The following SCRG1 variants were observed in gnomAD, a reference collection of about 807,000 sequenced individuals.
SCRG1 encodes stimulator of chondrogenesis 1, also known as scrapie-responsive protein 1.
In SCRG1, 3 loss-of-function variants were observed where a neutral mutation model predicts 7.7. That is an observed-to-expected ratio of 0.39 (90% CI 0.18 to 1.01). The LOEUF (loss-of-function observed/expected upper bound fraction) is 1.01. Among genes scored for constraint, SCRG1 ranks in the 50% least tolerant of loss-of-function variants. The pLI is 0.36. For synonymous variants in SCRG1, 46 were observed against 41.2 expected, an observed-to-expected ratio of 1.12 and a Z score of -0.44; for missense variants, 110 against 117.2, an observed-to-expected ratio of 0.94 and a Z score of 0.28.
the SCRG1 span, among the ~76,000 whole-genome samples, chr4:173,487,514 G>T: frequency 6.6e-6 from 1 of 152,162 alleles, no homozygotes; most frequent in African/African-American, 2.4e-5. Flanking sequence ...GAACCATGTT[G>T]CTCTTGATGG....
chr4:173,484,448 A>ATT, the SCRG1 span, among the ~76,000 whole-genome samples: 455 of 17,428 alleles, frequency 0.026, 41 homozygotes, highest in African/African-American at 0.055. Flanking sequence ...TATGATATAT[A>ATT]ATATATATTA....
At chr4:173,478,052 T>G in the SCRG1 span, among the ~76,000 whole-genome samples, 1 of 152,126 alleles carries the variant, frequency 6.6e-6, no homozygotes, top group Non-Finnish European at 1.5e-5. Context: ...TCCAACTGGA[T>G]TTTGGAGATA....
Position 173,385,672 on chromosome 4 carries a change from A to C in SCRG1, c.*2669T>G, listed in dbSNP as rs966418376. 16 of 152,232 alleles carry C rather than the reference A, an allele frequency of 1.1e-4. No individual in the cohort carries two copies. Among genetic ancestry groups the C allele is most frequent in the African/African-American group, 3.9e-4 (16 of 41,558 alleles). The allele number at this position is 152,232 out of a possible 1,614,324, so 9.4% of individuals were successfully genotyped here. A position where few individuals can be genotyped will look rare whatever the true frequency, so the allele number is the denominator to read the frequency against. On this transcript the variant is annotated 3_prime_UTR_variant, in exon 3 of 3. Transcript: ENST00000296506. The stretch of plus-strand genomic sequence containing the variant: ...AAGACATTATGATGAATAATTTATA[A>C]AATTTTATTTATTAAATATTTAGCT...
At chr4:173,479,443 G>GTT in the SCRG1 span, among the ~76,000 whole-genome samples, 84 of 135,242 alleles carry the variant, frequency 6.2e-4, 1 homozygote, top group African/African-American at 1.3e-3. Context: ...TTGTTTTTTT[G>GTT]TTTTTTTTTT....
At chr4:173,483,829 A>ATG in the SCRG1 span, among the ~76,000 whole-genome samples, 2 of 23,278 alleles carry the variant, frequency 8.6e-5, no homozygotes, top group African/African-American at 2.3e-4. Context: ...TATAATATAT[A>ATG]TAATATATAA....
At chr4:173,479,339 T>C in the SCRG1 span, among the ~76,000 whole-genome samples, 3 of 152,186 alleles carry the variant, frequency 2.0e-5, no homozygotes, top group Non-Finnish European at 4.4e-5. Context: ...ATTTTCATAA[T>C]TTTAGGTTGA....
At chr4:173,400,177 T>C (rs893328793), upstream of SCRG1, among the ~76,000 whole-genome samples, 1 of 152,184 alleles carries the variant, frequency 6.6e-6, no homozygotes, top group Non-Finnish European at 1.5e-5. Context: ...AGACAGAAAA[T>C]ACCGGCTTTT....
chr4:173,509,683 G>A, the SCRG1 span, among the ~76,000 whole-genome samples: 1 of 152,062 alleles, frequency 6.6e-6, no homozygotes, highest in Non-Finnish European at 1.5e-5. This position sits in a 1 kb window ranked among gnomAD's most constrained non-coding sequence, Gnocchi z 5.7. Flanking sequence ...CCGGGAGCGC[G>A]GACTCGGGGT....
intron 2 of SCRG1, chr4:173,389,938 A>G: frequency 3.1e-6 from 1 of 320,190 alleles, no homozygotes; most frequent in South Asian, 2.5e-5. Flanking sequence ...TGAAATATCC[A>G]AGACCATGGG....
chr4:173,433,090 T>A, the SCRG1 span, among the ~76,000 whole-genome samples: 1 of 152,254 alleles, frequency 6.6e-6, no homozygotes, highest in African/African-American at 2.4e-5. Context: ...TTCACCTATA[T>A]ACATATTCTT....
the SCRG1 span, among the ~76,000 whole-genome samples, chr4:173,482,208 C>T: frequency 2.2e-4 from 33 of 152,206 alleles, no homozygotes; most frequent in Non-Finnish European, 4.3e-4. Flanking sequence ...CACTTATGTG[C>T]TTGTGTAACT....
chr4:173,507,966 C>A, the SCRG1 span, among the ~76,000 whole-genome samples: 1 of 152,180 alleles, frequency 6.6e-6, no homozygotes, highest in Non-Finnish European at 1.5e-5. This position sits in a 1 kb window ranked among gnomAD's most constrained non-coding sequence, Gnocchi z 4.4. Context: ...CTCCCGGAGG[C>A]GCTGCTACTG....
At chr4:173,475,413 C>T in the SCRG1 span, among the ~76,000 whole-genome samples, 1,165 of 152,282 alleles carry the variant, frequency 7.7e-3, 16 homozygotes, top group East Asian at 0.025. Context: ...GAAGGGCTGA[C>T]CCCAAGTGTC....
chr4:173,472,655 G>T, the SCRG1 span, among the ~76,000 whole-genome samples: 2 of 149,966 alleles, frequency 1.3e-5, no homozygotes, highest in Non-Finnish European at 3.0e-5. Flanking sequence ...CCAGCTCAAA[G>T]GCAGACAGGC....
the SCRG1 span, among the ~76,000 whole-genome samples, chr4:173,416,313 A>G: frequency 6.6e-6 from 1 of 152,256 alleles, no homozygotes; most frequent in Non-Finnish European, 1.5e-5. Context: ...GCCTGTGCGC[A>G]GATCCTGTCT....
At chr4:173,508,509 A>C in the SCRG1 span, among the ~76,000 whole-genome samples, 1 of 152,138 alleles carries the variant, frequency 6.6e-6, no homozygotes, top group African/African-American at 2.4e-5. The surrounding 1 kb of genome is among the most constrained non-coding windows in gnomAD (Gnocchi z 4.4). Flanking sequence ...GGACCTCTGC[A>C]GTCCGTCGCA....
the SCRG1 span, among the ~76,000 whole-genome samples, chr4:173,506,348 T>C: frequency 7.3e-3 from 1,108 of 152,226 alleles, 8 homozygotes; most frequent in Middle Eastern, 0.01. This position sits in a 1 kb window ranked among gnomAD's most constrained non-coding sequence, Gnocchi z 5.3. Flanking sequence ...TGGAGGGCAG[T>C]GCAGCCCCGT....
At chr4:173,392,297 C>G (rs893679452) in intron 1 of SCRG1, among the ~76,000 whole-genome samples, 2 of 152,172 alleles carry the variant, frequency 1.3e-5, no homozygotes, top group Admixed American at 1.3e-4. Context: ...GGATTTTTAT[C>G]CCACATAGAC....
At chr4:173,471,316 T>C in the SCRG1 span, among the ~76,000 whole-genome samples, 1 of 152,210 alleles carries the variant, frequency 6.6e-6, no homozygotes, top group South Asian at 2.1e-4. Context: ...TGGAATTTTC[T>C]AGGCTTTTTG....
Sources: gnomAD v4.1 joint callset for allele counts (sites outside exome capture counted in the v4.1 genomes callset) on GRCh38, gnomAD v4.1.1 for gene constraint, Gnocchi (gnomAD v3.1) non-coding constraint, MANE v1.5 for transcripts, NCBI Gene and HGNC (gene_info 2026-07-23, HGNC 2026-07-21) for gene names.